PTCHD4: variants seen among roughly 807,000 people sequenced by gnomAD.
PTCHD4 encodes the protein patched domain-containing protein 4.
In PTCHD4, 33 loss-of-function variants were observed where a neutral mutation model predicts 58.1. The ratio of observed to expected loss-of-function variants is 0.57; its 90% CI spans 0.43 to 0.76. The LOEUF is 0.76. Ranked by LOEUF, PTCHD4 falls within the 30% of genes least tolerant of loss-of-function variation. PTCHD4 has a pLI of 0.00. For synonymous variants in PTCHD4, 478 were observed against 409.6 expected, an observed-to-expected ratio of 1.17 and a Z score of -2.02; for missense variants, 1,058 against 1,027.1, an observed-to-expected ratio of 1.03 and a Z score of -0.41.
chr6:47,949,291 G>C (rs79773475), intron 4 of PTCHD4, among the ~76,000 whole-genome samples: 5,029 of 152,240 alleles, frequency 0.033, 148 homozygotes, highest in African/African-American at 0.074. Flanking sequence ...TAAGTCAGAT[G>C]AAGCTTGCTG....
chr6:47,912,570 C>T (rs1035877283), intron 4 of PTCHD4, among the ~76,000 whole-genome samples: 4 of 152,122 alleles, frequency 2.6e-5, no homozygotes, highest in African/African-American at 9.7e-5. Context: ...TTTCCTCAGT[C>T]TCACTATTAC....
intron 4 of PTCHD4, among the ~76,000 whole-genome samples, chr6:47,992,590 T>C (rs1768322087): frequency 6.6e-6 from 1 of 152,176 alleles, no homozygotes; most frequent in Non-Finnish European, 1.5e-5. Flanking sequence ...TTCTTGATTA[T>C]TATTAAATTA....
chr6:48,105,743 C>T (rs537974708), intron 1 of PTCHD4, among the ~76,000 whole-genome samples: 303 of 149,400 alleles, frequency 2.0e-3, no homozygotes, highest in African/African-American at 6.8e-3. Flanking sequence ...ATCAAAGAGA[C>T]GCAATAAAAA....
At chr6:47,962,456 G>A (rs909719899) in intron 4 of PTCHD4, among the ~76,000 whole-genome samples, 2 of 152,090 alleles carry the variant, frequency 1.3e-5, no homozygotes, top group Non-Finnish European at 2.9e-5. Flanking sequence ...TAATCCCCAA[G>A]TGTCAAGGAG....
At chr6:47,978,128 T>C (rs1397495366) in intron 4 of PTCHD4, among the ~76,000 whole-genome samples, 3 of 152,118 alleles carry the variant, frequency 2.0e-5, no homozygotes, top group Non-Finnish European at 4.4e-5. Flanking sequence ...TTATTTTTCT[T>C]CTCCTCCTTT....
At chr6:47,970,214 T>C (rs1191817381) in intron 4 of PTCHD4, among the ~76,000 whole-genome samples, 1 of 152,168 alleles carries the variant, frequency 6.6e-6, no homozygotes, top group African/African-American at 2.4e-5. Context: ...TGCATTTAAG[T>C]CTGCTCCTTT....
chr6:48,046,573 T>C (rs1442967454), intron 3 of PTCHD4, among the ~76,000 whole-genome samples: 2 of 151,866 alleles, frequency 1.3e-5, no homozygotes, highest in Non-Finnish European at 2.9e-5. Flanking sequence ...ACCCTTATTT[T>C]AAACTTCTTC....
chr6:48,095,786 A>C (rs938008452), intron 1 of PTCHD4, among the ~76,000 whole-genome samples: 1 of 151,426 alleles, frequency 6.6e-6, no homozygotes, highest in African/African-American at 2.4e-5. Flanking sequence ...CGAAGATGTG[A>C]GTGAAATTCA....
At chr6:48,099,973 G>A (rs998318419) in intron 1 of PTCHD4, among the ~76,000 whole-genome samples, 3 of 152,158 alleles carry the variant, frequency 2.0e-5, no homozygotes, top group African/African-American at 7.2e-5. Flanking sequence ...ATGCTGGGTT[G>A]ATAATTTTCC....
intron 4 of PTCHD4, among the ~76,000 whole-genome samples, chr6:47,930,014 C>G (rs1765756249): frequency 6.6e-6 from 1 of 152,192 alleles, no homozygotes; most frequent in Non-Finnish European, 1.5e-5. Flanking sequence ...GAAACTTGTT[C>G]TGCAGTCTTA....
At chr6:48,038,099 T>C (rs1210966091) in intron 3 of PTCHD4, among the ~76,000 whole-genome samples, 4 of 151,730 alleles carry the variant, frequency 2.6e-5, no homozygotes. Context: ...CCTCTTTCAG[T>C]GAGAATGAAG....
intron 3 of PTCHD4, among the ~76,000 whole-genome samples, chr6:48,061,826 A>G (rs1319332057): frequency 6.6e-6 from 1 of 152,246 alleles, no homozygotes; most frequent in Non-Finnish European, 1.5e-5. Context: ...GCACACTGGC[A>G]GAAACACTCT....
intron 3 of PTCHD4, among the ~76,000 whole-genome samples, chr6:48,066,621 T>C (rs1403265372): frequency 6.6e-6 from 1 of 152,214 alleles, no homozygotes; most frequent in Non-Finnish European, 1.5e-5. Context: ...AAAAGCATGC[T>C]GCCTAACCAC....
rs1266659935 is a variant in PTCHD4 at position 47,874,266 on chromosome 6, G to A, written c.*4037C>T. 1.3e-5 allele frequency among the ~76,000 whole-genome samples: 2 copies of A among 151,630 alleles called. No homozygotes were observed. Among genetic ancestry groups the A allele is most frequent in the Non-Finnish European group, 3.0e-5 (2 of 67,756 alleles). On this transcript the variant is annotated 3_prime_UTR_variant, in exon 5 of 5. Coordinates refer to ENST00000339488, the MANE Select transcript of PTCHD4 (RefSeq NM_001384253.1). ...TTCTTAAATTGCTTACCTGGGGATG[G>A]AACTTTCTGTGGACTTTAGGCCCTT...
At position 47,878,248 on chromosome 6, in the gene PTCHD4, C is replaced by T. The variant is rs572362810; in HGVS notation, c.*55G>A. 431 of 1,474,798 alleles carry T rather than the reference C, an allele frequency of 2.9e-4. 2 individuals carry two copies. Among genetic ancestry groups the T allele is most frequent in the Non-Finnish European group, 3.6e-4 (396 of 1,093,686 alleles). 91.4% of individuals were successfully genotyped at this position (1,474,798 alleles called of 1,614,324 possible). On this transcript the variant is annotated 3_prime_UTR_variant, in exon 5 of 5. Transcript: ENST00000339488. ...GCAGCTGAGGTCTGAGCTTTACTTGCCCTGCATCATTGTGCAATACTGGAA... is the reference window on the plus strand; with the variant it reads ...GCAGCTGAGGTCTGAGCTTTACTTGTCCTGCATCATTGTGCAATACTGGAA...
intron 4 of PTCHD4, among the ~76,000 whole-genome samples, chr6:47,899,269 T>G (rs139497952): frequency 6.6e-6 from 1 of 152,344 alleles, no homozygotes; most frequent in Non-Finnish European, 1.5e-5. Flanking sequence ...AAATAACATC[T>G]GATGTCTCTT....
rs531127530 is a variant in PTCHD4, at chr6:48,052,931, T to C, written c.417+15299A>G. Among the ~76,000 whole-genome samples, 26 of 152,276 alleles carry C rather than the reference T, an allele frequency of 1.7e-4. No homozygotes were observed. The South Asian group carries it at 2.5e-3, about 15-fold the overall frequency. On this transcript the variant is annotated intron_variant, in intron 3 of 4. Coordinates refer to ENST00000339488, the MANE Select transcript of PTCHD4 (RefSeq NM_001384253.1). ...ATGATTTGTGAACCCACTGGACTTC[T>C]AATGGAAAAGCTTTCTACTGACCCA...
At chr6:48,042,417 A>T (rs1562022864) in intron 3 of PTCHD4, among the ~76,000 whole-genome samples, 1 of 152,012 alleles carries the variant, frequency 6.6e-6, no homozygotes, top group Non-Finnish European at 1.5e-5. Flanking sequence ...CAAAATAAGG[A>T]TCTAAAGGCA....
chr6:47,926,367 C>A (rs973841796), intron 4 of PTCHD4, among the ~76,000 whole-genome samples: 1 of 152,152 alleles, frequency 6.6e-6, no homozygotes, highest in African/African-American at 2.4e-5. Context: ...TATTTCTTAA[C>A]TATAACATGT....
Sources: gnomAD v4.1 joint callset for allele counts (sites outside exome capture counted in the v4.1 genomes callset) on GRCh38, gnomAD v4.1.1 for gene constraint, MANE v1.5 for transcripts, NCBI Gene and HGNC (gene_info 2026-07-23, HGNC 2026-07-21) for gene names.